AMZ1: variants seen among roughly 807,000 people sequenced by gnomAD.
AMZ1 encodes the protein archaelysin family metallopeptidase 1, also known as archaemetzincin-1.
A neutral mutation model predicts 29.9 loss-of-function variants in AMZ1; 39 were observed. That is an observed-to-expected ratio of 1.30 (90% CI 1.01 to 1.70). AMZ1 has a LOEUF of 1.70. Ranked by LOEUF, AMZ1 falls within the 40% of genes most tolerant of loss-of-function variation. AMZ1 has a pLI of 0.00. For missense variants in AMZ1, 1,041 were observed against 680.6 expected, an observed-to-expected ratio of 1.53 and a Z score of -5.89; for synonymous variants, 458 against 304.0, an observed-to-expected ratio of 1.51 and a Z score of -5.27.
At chr7:2,752,586 C>T (rs922698884) in intron 4 of AMZ1, among the ~76,000 whole-genome samples, 1 of 152,132 alleles carries the variant, frequency 6.6e-6, no homozygotes. Context: ...AGAATCAATC[C>T]GTGAGTTCAG....
chr7:2,759,909 C>T (rs1451336480), upstream of AMZ1, among the ~76,000 whole-genome samples: 1 of 152,218 alleles, frequency 6.6e-6, no homozygotes, highest in Non-Finnish European at 1.5e-5. Flanking sequence ...AAAAGCTCCG[C>T]TCCCTGCTTT....
rs1789213491 is a variant in AMZ1 at position 2,717,734 on chromosome 7, C to T, written c.*4856C>T. On this transcript the variant is annotated 3_prime_UTR_variant, in exon 7 of 7. Coordinates refer to ENST00000683327, the MANE Select transcript of AMZ1 (RefSeq NM_001384743.1). ...GGGTGGAGACGGCCGGCCGAGCCTT[C>T]CCTTTTCTGACATCCTACAGCAGCA... Among the ~76,000 whole-genome samples the T allele has an allele frequency of 6.6e-6, 1 of 152,168 alleles. No individual in the cohort carries two copies. The highest frequency in any genetic ancestry group is 2.4e-5 in the African/African-American group (1 of 41,438).
exon 1 of AMZ1, chr7:2,679,621 A>G (rs1786813480): frequency 1.3e-5 from 2 of 152,296 alleles, no homozygotes; most frequent in African/African-American, 4.8e-5. Flanking sequence ...AGAGGTGGCC[A>G]CTGCCCTCGT....
At chr7:2,724,608 C>T (rs144968967), downstream of AMZ1, among the ~76,000 whole-genome samples, 345 of 152,256 alleles carry the variant, frequency 2.3e-3, 1 homozygote, top group Admixed American at 3.9e-3. Flanking sequence ...GACGTGGGAC[C>T]CCACGGTAAC....
intron 4 of AMZ1, among the ~76,000 whole-genome samples, chr7:2,753,698 G>A (rs753759164): frequency 2.8e-4 from 42 of 152,132 alleles, no homozygotes; most frequent in Non-Finnish European, 5.9e-4. Flanking sequence ...TAGGGTAAAT[G>A]CCCAGGAGTG....
chr7:2,713,160 T>A lies in AMZ1; in HGVS notation c.*282T>A. 1 of 296,876 alleles carries A rather than the reference T, an allele frequency of 3.4e-6. No homozygotes were observed. Among genetic ancestry groups the A allele is most frequent in the Non-Finnish European group, 6.2e-6 (1 of 162,014 alleles). 18.4% of individuals were successfully genotyped at this position (296,876 alleles called of 1,614,324 possible). ...AGGAGGCTGAGGTGGGAGGATTGCT[T>A]GAGCCTAGGAGGTCGAGGCTGCAGT... On this transcript the variant is annotated 3_prime_UTR_variant, in exon 7 of 7. Coordinates refer to ENST00000683327, the MANE Select transcript of AMZ1 (RefSeq NM_001384743.1).
chr7:2,722,551 G>A (rs370856758), downstream of AMZ1, among the ~76,000 whole-genome samples: 22 of 152,286 alleles, frequency 1.4e-4, no homozygotes, highest in East Asian at 5.8e-4. Flanking sequence ...GATTACAGGC[G>A]TGAGCCACCG....
rs1460255313 is a variant in AMZ1, at chr7:2,709,091, C to T, written c.618C>T (p.Ser206=). 1.9e-6 allele frequency: 3 copies of T among 1,596,816 alleles called. No homozygotes were observed. Among genetic ancestry groups the T allele is most frequent in the Non-Finnish European group, 1.7e-6 (2 of 1,171,422 alleles). Residue 206 remains serine (S), a synonymous_variant, in exon 5 of 7, where the codon AGC becomes AGT. Transcript: ENST00000683327. The part of the protein sequence containing the change: ...FLPGHEVGVC[S]FARFSGEFPK... Reference sequence around the variant, plus strand: ...TCTCTCCAGAAGTGGGCGTCTGCAGCTTCGCCCGGTTCTCAGGGGAATTCC... The same window carrying T: ...TCTCTCCAGAAGTGGGCGTCTGCAGTTTCGCCCGGTTCTCAGGGGAATTCC...
At chr7:2,721,792 C>T (rs1339133296), downstream of AMZ1, among the ~76,000 whole-genome samples, 3 of 151,386 alleles carry the variant, frequency 2.0e-5, no homozygotes, top group East Asian at 5.8e-4. Flanking sequence ...GCGGGGGAGG[C>T]AGGGACATAA....
chr7:2,689,565 T>G (rs1179387184), intron 1 of AMZ1, among the ~76,000 whole-genome samples: 1 of 152,124 alleles, frequency 6.6e-6, no homozygotes, highest in African/African-American at 2.4e-5. Flanking sequence ...GGGGTTCCAG[T>G]GTGAAGCGTG....
intron 4 of AMZ1, among the ~76,000 whole-genome samples, chr7:2,726,510 G>A (rs1401388476): frequency 2.0e-5 from 3 of 152,172 alleles, no homozygotes; most frequent in Non-Finnish European, 4.4e-5. Flanking sequence ...TGTCCCCAGG[G>A]CAGAGAGCCA....
In AMZ1 at chr7:2,714,087, T is replaced by C. The variant is rs1302341176; in HGVS notation, c.*1209T>C. The C allele has an allele frequency of 6.6e-6, 1 of 152,212 alleles. No individual in the cohort carries two copies. The allele number at this position is 152,212 out of a possible 1,614,324, so 9.4% of individuals were successfully genotyped here. ...TCTTCCTGAGGAATTGACCCTTTTATTGTCACACGTACCCCCTCAGCCTGT... is the reference window on the plus strand; with the variant it reads ...TCTTCCTGAGGAATTGACCCTTTTACTGTCACACGTACCCCCTCAGCCTGT... On this transcript the variant is annotated 3_prime_UTR_variant, in exon 7 of 7. Coordinates refer to ENST00000683327, the MANE Select transcript of AMZ1 (RefSeq NM_001384743.1).
Position 2,735,815 on chromosome 7 carries a change from A to G in AMZ1, n.550+25999A>G, listed in dbSNP as rs572425937. Among the ~76,000 whole-genome samples the G allele has an allele frequency of 2.0e-5, 3 of 152,182 alleles. No individual in the cohort carries two copies. The South Asian group carries it at 6.2e-4, about 32-fold the overall frequency. On this transcript the variant is annotated intron_variant and non_coding_transcript_variant, in intron 4 of 4. Transcript: ENST00000489665. ...GCGGCCTCATCTCGAGAAACAGCCC[A>G]GGGGGTCCGTGGGAAAGCTGCCACT...
At chr7:2,690,615 G>A (rs1363267144) in intron 1 of AMZ1, among the ~76,000 whole-genome samples, 1 of 152,124 alleles carries the variant, frequency 6.6e-6, no homozygotes, top group African/African-American at 2.4e-5. Context: ...CGATGTAGAT[G>A]CTCTTGAGTT....
chr7:2,759,266 C>T (rs950711644), intron 4 of AMZ1, among the ~76,000 whole-genome samples: 3 of 151,984 alleles, frequency 2.0e-5, no homozygotes, highest in Non-Finnish European at 2.9e-5. Context: ...TTATACTGTC[C>T]TTATTTACAT....
intron 6 of AMZ1, among the ~76,000 whole-genome samples, chr7:2,710,072 G>A (rs1037199421): frequency 5.9e-5 from 9 of 152,238 alleles, no homozygotes; most frequent in African/African-American, 2.2e-4. Flanking sequence ...GTGGGGACGA[G>A]GGCTTTTCTC....
chr7:2,699,383 T>C (rs809547), intron 1 of AMZ1, among the ~76,000 whole-genome samples: 116,689 of 152,102 alleles, frequency 0.77, 45,391 homozygotes, highest in African/African-American at 0.9. Flanking sequence ...CCGTCCTGGG[T>C]GTTGAAATCC....
downstream of AMZ1, among the ~76,000 whole-genome samples, chr7:2,721,541 C>CCTGT (rs1789421171): frequency 6.6e-6 from 1 of 152,026 alleles, no homozygotes; most frequent in African/African-American, 2.4e-5. Flanking sequence ...ACGGTGAAGC[C>CCTGT]CTGTCTCTAC....
intron 4 of AMZ1, among the ~76,000 whole-genome samples, chr7:2,734,236 G>A (rs972012586): frequency 2.6e-5 from 4 of 152,254 alleles, no homozygotes; most frequent in African/African-American, 4.8e-5. Context: ...GGGAGGAGCC[G>A]GGAGAGCGCA....
Sources: gnomAD v4.1 joint callset for allele counts (sites outside exome capture counted in the v4.1 genomes callset) on GRCh38, gnomAD v4.1.1 for gene constraint, MANE v1.5 for transcripts, NCBI Gene and HGNC (gene_info 2026-07-23, HGNC 2026-07-21) for gene names.